CCDC7: variants seen among roughly 807,000 people sequenced by gnomAD.
The protein encoded by CCDC7 is coiled-coil domain containing 7.
A neutral mutation model predicts 196.9 loss-of-function variants in CCDC7; 183 were observed. The ratio of observed to expected loss-of-function variants is 0.93; its 90% CI spans 0.82 to 1.05. CCDC7 has a LOEUF of 1.05. Among genes scored for constraint, CCDC7 ranks in the 50% least tolerant of loss-of-function variants. The pLI is 0.00. For synonymous variants in CCDC7, 525 were observed against 484.6 expected (o/e 1.08, Z -1.10); for missense variants, 1,540 against 1,482.2 (o/e 1.04, Z -0.64).
At chr10:32,711,636 A>G in exon 25 of CCDC7, 1 of 1,585,450 alleles carries the variant, frequency 6.3e-7, no homozygotes. Flanking sequence ...ATGAAGAATC[A>G]GGTGAAAATC....
At chr10:32,876,410 G>A, downstream of CCDC7, 2 of 1,605,216 alleles carry the variant, frequency 1.2e-6, no homozygotes, top group Non-Finnish European at 1.7e-6. Context: ...AGGAAATTCT[G>A]AGCAAGATAA....
chr10:32,765,358 T>TA (rs2133951405), intron 28 of CCDC7, among the ~76,000 whole-genome samples: 2 of 152,046 alleles, frequency 1.3e-5, no homozygotes, highest in Non-Finnish European at 2.9e-5. Flanking sequence ...GAAAGGAAAC[T>TA]ATGGAGGGCA....
At position 32,563,354 on chromosome 10, in the gene CCDC7, C is replaced by T. The variant is rs530740048; in HGVS notation, c.1135-2204C>T. On this transcript the variant is annotated intron_variant, in intron 13 of 41. Coordinates refer to ENST00000639629, the Ensembl canonical transcript of CCDC7. ...CCCGCATTGCCAAGTCAATCCTAAG[C>T]CAAAAGAACAAAGCTGGAGGCATCA... 1.1e-4 allele frequency among the ~76,000 whole-genome samples: 17 copies of T among 152,220 alleles called. No individual in the cohort carries two copies. The South Asian group carries it at 3.5e-3, about 32-fold the overall frequency.
At chr10:32,686,635 A>C (rs2076498629) in intron 22 of CCDC7, among the ~76,000 whole-genome samples, 1 of 152,234 alleles carries the variant, frequency 6.6e-6, no homozygotes, top group South Asian at 2.1e-4. Flanking sequence ...CCAGTAGCAG[A>C]ATAGGTTCAC....
At position 32,584,316 on chromosome 10, in the gene CCDC7, C is replaced by CT. The variant is rs767266358; in HGVS notation, c.1801+13dup. ...AGAAAAATCTCAAGGTAAAAAGACTCTGTTTTGGAAGATGAAAATGTGATT... is the reference window on the plus strand; with the variant it reads ...AGAAAAATCTCAAGGTAAAAAGACTCTTGTTTTGGAAGATGAAAATGTGATT... On this transcript the variant is annotated intron_variant, in intron 18 of 41. Transcript: ENST00000639629. 2 of 1,556,830 alleles carry CT rather than the reference C, an allele frequency of 1.3e-6. No homozygotes were observed. Among genetic ancestry groups the CT allele is most frequent in the East Asian group, 4.5e-5 (2 of 44,318 alleles).
At chr10:32,536,777 C>T (rs1405295304) in intron 11 of CCDC7, among the ~76,000 whole-genome samples, 2 of 151,864 alleles carry the variant, frequency 1.3e-5, no homozygotes, top group Admixed American at 6.6e-5. Context: ...TGGCACTAGC[C>T]ATTTGGATAA....
chr10:32,744,135 A>C (rs2074290241), intron 28 of CCDC7, among the ~76,000 whole-genome samples: 1 of 139,178 alleles, frequency 7.2e-6, no homozygotes, highest in South Asian at 2.7e-4. Flanking sequence ...CTTAAAGTAT[A>C]ATTTAAAAAA....
intron 41 of CCDC7, among the ~76,000 whole-genome samples, chr10:32,868,854 T>C (rs563549145): frequency 6.6e-6 from 1 of 151,930 alleles, no homozygotes; most frequent in African/African-American, 2.4e-5. Flanking sequence ...TTGCTGAGAA[T>C]GATGGTTTCC....
intron 28 of CCDC7, among the ~76,000 whole-genome samples, chr10:32,733,872 T>C (rs528469180): frequency 1.3e-5 from 2 of 152,280 alleles, no homozygotes; most frequent in East Asian, 3.9e-4. Context: ...ATCAAAACCA[T>C]AGTGAGATAC....
At chr10:32,580,651 C>T (rs1005118706) in intron 16 of CCDC7, among the ~76,000 whole-genome samples, 2 of 151,752 alleles carry the variant, frequency 1.3e-5, no homozygotes, top group African/African-American at 4.8e-5. Context: ...TGTATTGTTG[C>T]AGATAAGAAT....
intron 2 of CCDC7, 133 bp from the exon 4 acceptor site, chr10:32,456,118 C>A: frequency 1.3e-6 from 1 of 799,842 alleles, no homozygotes. Flanking sequence ...AGCATGGCTT[C>A]TTGCTGTAAA....
At chr10:32,861,886 G>C (rs989364581) in intron 41 of CCDC7, among the ~76,000 whole-genome samples, 1 of 152,204 alleles carries the variant, frequency 6.6e-6, no homozygotes, top group African/African-American at 2.4e-5. Flanking sequence ...ATGCCAGTTA[G>C]AATGGCGATC....
At chr10:32,475,855 T>A (rs1360501524) in intron 8 of CCDC7, among the ~76,000 whole-genome samples, 1 of 152,188 alleles carries the variant, frequency 6.6e-6, no homozygotes, top group Non-Finnish European at 1.5e-5. Context: ...TGCTTTCAGG[T>A]CACAATTTCA....
chr10:32,845,381 GTTAAA>G lies in CCDC7; in HGVS notation c.3436+60_3436+64del, dbSNP rs897079446. 2.5e-4 allele frequency: 333 copies of G among 1,357,440 alleles called. 1 individual carries two copies. The Middle Eastern group carries it at 8.1e-3, about 33-fold the overall frequency. The allele number at this position is 1,357,440 out of a possible 1,614,324, so 84.1% of individuals were successfully genotyped here. ...TTTATGGCTGATTGATATTCCCTGA[GTTAAA>G]TTAAGTATAGACCTTTAATAACAAA... On this transcript the variant is annotated intron_variant, in intron 34 of 41. Transcript: ENST00000639629.
At chr10:32,455,857 A>G (rs548574087) in intron 2 of CCDC7, among the ~76,000 whole-genome samples, 6 of 152,178 alleles carry the variant, frequency 3.9e-5, no homozygotes, top group Non-Finnish European at 8.8e-5. Context: ...TGGCAATTAT[A>G]CAGTTAGGTA....
chr10:32,689,395 A>G (rs1027896829), intron 23 of CCDC7, among the ~76,000 whole-genome samples: 1 of 152,218 alleles, frequency 6.6e-6, no homozygotes, highest in East Asian at 1.9e-4. Flanking sequence ...TAACAAATGT[A>G]TAATTGTCTT....
intron 21 of CCDC7, among the ~76,000 whole-genome samples, chr10:32,678,140 C>A (rs563508331): frequency 4.6e-5 from 7 of 151,930 alleles, no homozygotes; most frequent in African/African-American, 1.5e-4. Flanking sequence ...ATTTGGTTGT[C>A]TAGCTGTATT....
chr10:32,502,408 A>T (rs1307400094), intron 9 of CCDC7, among the ~76,000 whole-genome samples: 1 of 152,008 alleles, frequency 6.6e-6, no homozygotes. Flanking sequence ...AACCAGTCCT[A>T]TTGAGATGTA....
chr10:32,844,270 A>T (rs1019364732), intron 33 of CCDC7, among the ~76,000 whole-genome samples: 1 of 151,990 alleles, frequency 6.6e-6, no homozygotes, highest in Non-Finnish European at 1.5e-5. Flanking sequence ...AAGGAATGCA[A>T]TCTCAATGCT....
Sources: allele counts gnomAD v4.1 joint callset (sites outside exome capture counted in the v4.1 genomes callset), GRCh38; gene constraint gnomAD v4.1.1; transcripts MANE v1.5; gene names NCBI Gene and HGNC (gene_info 2026-07-23, HGNC 2026-07-21).